Variants in B3GALNT2 observed in about 807,000 individuals in gnomAD.
B3GALNT2 encodes UDP-GalNAc:beta-1,3-N-acetylgalactosaminyltransferase 2.
Under a neutral mutation model 61.1 loss-of-function variants are expected in B3GALNT2, and 53 were observed. The observed-to-expected ratio is 0.87, with a 90% CI of 0.70 to 1.09. B3GALNT2 has a LOEUF of 1.09. B3GALNT2 is among the 50% of genes least tolerant of loss of function. The pLI, the probability that B3GALNT2 is intolerant of heterozygous loss-of-function variation, is 0.00. For synonymous variants in B3GALNT2, 223 were observed against 237.4 expected (o/e 0.94, Z 0.56); for missense variants, 544 against 623.0 (o/e 0.87, Z 1.35).
intron 6 of B3GALNT2, among the ~76,000 whole-genome samples, chr1:235,470,575 CAAAAA>C (rs35802636): frequency 2.5e-5 from 3 of 118,394 alleles, no homozygotes; most frequent in East Asian, 4.9e-4. Flanking sequence ...GAGACCCTCT[CAAAAA>C]AAAAAAAAAA....
intron 5 of B3GALNT2, 37 bp from the exon 6 acceptor site, chr1:235,470,997 A>T: frequency 1.2e-6 from 2 of 1,605,194 alleles, no homozygotes; most frequent in Non-Finnish European, 1.7e-6. Context: ...CAATTTCCTT[A>T]TTGCTGTCAT....
intron 2 of B3GALNT2, among the ~76,000 whole-genome samples, chr1:235,491,318 C>T (rs904883219): frequency 2.6e-5 from 4 of 152,072 alleles, no homozygotes; most frequent in African/African-American, 7.2e-5. Context: ...ACAACAAAAG[C>T]GTTCTATGAG....
chr1:235,501,445 A>C (rs1019686835), intron 1 of B3GALNT2, among the ~76,000 whole-genome samples: 1 of 152,198 alleles, frequency 6.6e-6, no homozygotes, highest in Non-Finnish European at 1.5e-5. Context: ...CCATCTCTTT[A>C]ATCTCTTAAC....
chr1:235,473,797 T>C (rs534105785), intron 5 of B3GALNT2, among the ~76,000 whole-genome samples: 29 of 152,314 alleles, frequency 1.9e-4, no homozygotes, highest in South Asian at 1.5e-3. Context: ...AAAACTATAG[T>C]GACCAGATAA....
the B3GALNT2 span, chr1:235,440,968 T>C: frequency 6.6e-6 from 1 of 152,258 alleles, no homozygotes; most frequent in Non-Finnish European, 1.5e-5. Flanking sequence ...TATTTCTTAA[T>C]GCAAGAAGCT....
At position 235,473,150 on chromosome 1, in the gene B3GALNT2, T is replaced by A. The variant is rs546231476; in HGVS notation, c.652-2190A>T. ...GGCTGGTCTTGAACTCCTGACCTAG[T>A]GATCTGCCTGCCTCAGCCTCCCAAA... On this transcript the variant is annotated intron_variant, in intron 5 of 11. Coordinates refer to ENST00000366600, the MANE Select transcript of B3GALNT2 (RefSeq NM_152490.5). Among the ~76,000 whole-genome samples the A allele has an allele frequency of 1.2e-4, 19 of 152,328 alleles. No individual in the cohort carries two copies. In the South Asian group the frequency reaches 3.9e-3, roughly 32 times the overall value.
At position 235,458,794 on chromosome 1, in the gene B3GALNT2, G is replaced by C. The variant is rs766253909; in HGVS notation, c.842-8C>G. ...GTAAGAGAGCATCACCTTCTATAAAGGAAAAGTTGAGAGTTGGAGAAAAAT... is the reference window on the plus strand; with the variant it reads ...GTAAGAGAGCATCACCTTCTATAAACGAAAAGTTGAGAGTTGGAGAAAAAT... On this transcript the variant is annotated splice_region_variant and splice_polypyrimidine_tract_variant and intron_variant, in intron 7 of 11. Transcript: ENST00000366600. 1 of 1,567,974 alleles carries C rather than the reference G, an allele frequency of 6.4e-7. No individual in the cohort carries two copies. The highest frequency in any genetic ancestry group is 8.6e-7 in the Non-Finnish European group (1 of 1,160,168).
At position 235,455,604 on chromosome 1, in the gene B3GALNT2, C is replaced by CTAT; in HGVS notation, c.1103_1105dup (p.Asn368dup). 1 of 1,609,606 alleles carries CTAT rather than the reference C, an allele frequency of 6.2e-7. No individual in the cohort carries two copies. The highest frequency in any genetic ancestry group is 8.5e-7 in the Non-Finnish European group (1 of 1,175,860). On this transcript the variant is annotated inframe_insertion, in exon 9 of 12. Transcript: ENST00000366600. ...CCCATCCAGATTCTTTTGGACAATC[C>CTAT]TATTAAATACAGCTTCGAGGTCTAT... is the stretch of plus-strand genomic sequence containing the variant.
intron 6 of B3GALNT2, 125 bp downstream of exon 6, chr1:235,470,725 A>G: frequency 7.2e-7 from 1 of 1,384,740 alleles, no homozygotes; most frequent in Non-Finnish European, 9.5e-7. Flanking sequence ...GCTACTATAT[A>G]TGTTGTAAAA....
At chr1:235,474,785 C>T (rs1684159963) in intron 5 of B3GALNT2, among the ~76,000 whole-genome samples, 2 of 151,422 alleles carry the variant, frequency 1.3e-5, no homozygotes, top group Admixed American at 1.3e-4. Context: ...TGAGCCATTG[C>T]ACTCCAGCCT....
chr1:235,444,187 CTGAT>C (rs1465074774), downstream of B3GALNT2, among the ~76,000 whole-genome samples: 7 of 152,194 alleles, frequency 4.6e-5, no homozygotes, highest in African/African-American at 1.7e-4. Context: ...AAGTACCTTT[CTGAT>C]TGATAACCAT....
At chr1:235,444,680 T>C (rs912502203), downstream of B3GALNT2, among the ~76,000 whole-genome samples, 3 of 152,216 alleles carry the variant, frequency 2.0e-5, no homozygotes, top group African/African-American at 7.2e-5. Context: ...GCTGGGGTTA[T>C]AGGTGTGAGC....
intron 5 of B3GALNT2, among the ~76,000 whole-genome samples, chr1:235,474,054 T>C (rs760844841): frequency 1.3e-5 from 2 of 152,210 alleles, no homozygotes; most frequent in Non-Finnish European, 2.9e-5. Context: ...GGAACTTAAA[T>C]AACCCATCAG....
chr1:235,487,402 G>A (rs1441227918), intron 3 of B3GALNT2, among the ~76,000 whole-genome samples: 1 of 152,052 alleles, frequency 6.6e-6, no homozygotes, highest in Non-Finnish European at 1.5e-5. Flanking sequence ...CACCTTCTAG[G>A]AACTATTATT....
Position 235,471,503 on chromosome 1 carries a change from C to T in B3GALNT2, c.652-543G>A, listed in dbSNP as rs185205513. On this transcript the variant is annotated intron_variant, in intron 5 of 11. Transcript: ENST00000366600. ...TATTTTTATGGATTTTGGTATACAC[C>T]GCCAACTGCTTTTTGAAAGCAACTT... 5.3e-5 allele frequency among the ~76,000 whole-genome samples: 8 copies of T among 152,216 alleles called. No individual in the cohort carries two copies. In the East Asian group the frequency reaches 9.6e-4, roughly 18 times the overall value.
intron 5 of B3GALNT2, among the ~76,000 whole-genome samples, chr1:235,472,879 T>G (rs935387823): frequency 4.6e-5 from 7 of 152,212 alleles, no homozygotes; most frequent in African/African-American, 1.7e-4. Context: ...TTTTTCCCTC[T>G]GCACAGAGTG....
Position 235,478,751 on chromosome 1 carries a change from G to A in B3GALNT2, c.651+1303C>T, listed in dbSNP as rs542233823. Among the ~76,000 whole-genome samples the A allele has an allele frequency of 3.9e-5, 6 of 152,264 alleles. No individual in the cohort carries two copies. In the East Asian group the frequency reaches 5.8e-4, roughly 15 times the overall value. On this transcript the variant is annotated intron_variant, in intron 5 of 11. Coordinates refer to ENST00000366600, the MANE Select transcript of B3GALNT2 (RefSeq NM_152490.5). ...TAATAGAGCACATCAAAAGATGTTC[G>A]TGATATGTTAAAGTAAGTAAATTAT...
intron 10 of B3GALNT2, 72 bp downstream of exon 10, chr1:235,454,084 C>T: frequency 1.4e-6 from 2 of 1,396,828 alleles, no homozygotes; most frequent in Non-Finnish European, 1.9e-6. Flanking sequence ...AGTGATCTAC[C>T]CGCCTTAGCC....
chr1:235,467,465 T>G (rs1319140021), intron 6 of B3GALNT2, among the ~76,000 whole-genome samples: 1 of 151,186 alleles, frequency 6.6e-6, no homozygotes, highest in Non-Finnish European at 1.5e-5. Context: ...TATGCTTTAT[T>G]TGTTATTTAC....
Sources: gnomAD v4.1 joint callset for allele counts (sites outside exome capture counted in the v4.1 genomes callset) on GRCh38, gnomAD v4.1.1 for gene constraint, MANE v1.5 for transcripts, NCBI Gene and HGNC (gene_info 2026-07-23, HGNC 2026-07-21) for gene names.